The following KCNG3 variants were observed in gnomAD, a reference collection of about 807,000 sequenced individuals.
KCNG3 encodes the protein voltage-gated potassium channel regulatory subunit KCNG3.
In KCNG3, 15 loss-of-function variants were observed where a neutral mutation model predicts 29.0. The observed-to-expected ratio is 0.52, with a 90% CI of 0.35 to 0.80. The LOEUF is 0.80. Among genes scored for constraint, KCNG3 ranks in the 30% least tolerant of loss-of-function variants. The probability of loss-of-function intolerance (pLI) is 0.01; values close to 1 mark genes in which losing one functional copy is unlikely to be tolerated. For synonymous variants in KCNG3, 322 were observed against 248.9 expected, an observed-to-expected ratio of 1.29 and a Z score of -2.76; for missense variants, 512 against 605.7, an observed-to-expected ratio of 0.85 and a Z score of 1.62.
At chr2:42,488,410 T>G (rs1673782851) in intron 1 of KCNG3, among the ~76,000 whole-genome samples, 1 of 152,214 alleles carries the variant, frequency 6.6e-6, no homozygotes, top group African/African-American at 2.4e-5. Flanking sequence ...AGGGTCTCCC[T>G]GCTGCCTAGG....
chr2:42,477,874 G>A (rs980677732), intron 1 of KCNG3, among the ~76,000 whole-genome samples: 9 of 113,262 alleles, frequency 7.9e-5, no homozygotes, highest in African/African-American at 2.4e-4. Flanking sequence ...GCAAGACCCC[G>A]TCTCAAAAAA....
At chr2:42,410,589 AGAGACTT>A in the KCNG3 span, among the ~76,000 whole-genome samples, 2 of 152,140 alleles carry the variant, frequency 1.3e-5, no homozygotes, top group Admixed American at 6.5e-5. Context: ...TATATTTTCT[AGAGACTT>A]TATATTTTCT....
downstream of KCNG3, among the ~76,000 whole-genome samples, chr2:42,438,731 G>A (rs1201501844): frequency 5.3e-5 from 8 of 152,178 alleles, no homozygotes; most frequent in Admixed American, 5.2e-4. Flanking sequence ...CTGAAAGTTT[G>A]GGCATAAGTT....
chr2:42,481,261 A>G (rs1168095225), intron 1 of KCNG3, among the ~76,000 whole-genome samples: 1 of 152,194 alleles, frequency 6.6e-6, no homozygotes, highest in Non-Finnish European at 1.5e-5. Context: ...TTGGCTGATT[A>G]TAAGAATATC....
At chr2:42,398,894 C>G in the KCNG3 span, among the ~76,000 whole-genome samples, 1 of 152,312 alleles carries the variant, frequency 6.6e-6, no homozygotes, top group South Asian at 2.1e-4. Context: ...AAGGGTGCCT[C>G]AACCACTGGG....
chr2:42,394,119 T>A, the KCNG3 span, among the ~76,000 whole-genome samples: 1 of 152,138 alleles, frequency 6.6e-6, no homozygotes, highest in African/African-American at 2.4e-5. Flanking sequence ...GATTCTGACA[T>A]AACACTTCTG....
At position 42,493,231 on chromosome 2, in the gene KCNG3, C is replaced by T. The variant is rs1232984451; in HGVS notation, c.271G>A (p.Glu91Lys). The T allele has an allele frequency of 1.9e-6, 3 of 1,611,686 alleles. No homozygotes were observed. The highest frequency in any genetic ancestry group is 3.3e-5 in the Admixed American group (2 of 59,996). Residue 91 changes from glutamate to lysine, a missense_variant, in exon 1 of 2, where the codon GAG becomes AAG. Coordinates refer to ENST00000306078, the MANE Select transcript of KCNG3 (RefSeq NM_133329.6). The part of the protein sequence containing the change: ...GKLRFAPRMC[E>K]LSFYNEMIYW... ...ATCATCTCGTTGTAGAAGGAGAGCTCGCACATCCGCGGCGCGAAGCGCAGC... is the reference window on the plus strand; with the variant it reads ...ATCATCTCGTTGTAGAAGGAGAGCTTGCACATCCGCGGCGCGAAGCGCAGC...
the KCNG3 span, among the ~76,000 whole-genome samples, chr2:42,411,166 A>G: frequency 1.3e-5 from 2 of 152,012 alleles, no homozygotes; most frequent in South Asian, 4.2e-4. Context: ...ATCAATGCTC[A>G]ACTGTTTTCA....
intron 1 of KCNG3, among the ~76,000 whole-genome samples, chr2:42,445,695 G>A (rs558662492): frequency 1.1e-4 from 17 of 151,808 alleles, no homozygotes; most frequent in East Asian, 5.8e-4. Context: ...GAAAATAATC[G>A]CATTTATACA....
chr2:42,488,212 C>T (rs1409177612), intron 1 of KCNG3, among the ~76,000 whole-genome samples: 1 of 152,138 alleles, frequency 6.6e-6, no homozygotes, highest in African/African-American at 2.4e-5. Context: ...GGATTATCCT[C>T]ATACATAAAA....
chr2:42,444,357 A>T lies in KCNG3; in HGVS notation c.888T>A (p.Ile296=). ...GACGGGCAAGCTTAATCACCCAAAA[A>T]ATCCTCATCATTCTAAGTACCCTCA... ...VTLRVLRMMR[I]FWVIKLARHF... The change falls in exon 2 of 2, where the codon ATT becomes ATA. Residue 296 remains isoleucine (I), a synonymous_variant. Coordinates refer to ENST00000306078, the MANE Select transcript of KCNG3 (RefSeq NM_133329.6). This position sits in a 1 kb window ranked among gnomAD's most constrained non-coding sequence, Gnocchi z 5.8. The T allele has an allele frequency of 6.2e-7, 1 of 1,614,164 alleles. No individual in the cohort carries two copies. Among genetic ancestry groups the T allele is most frequent in the Non-Finnish European group, 8.5e-7 (1 of 1,180,026 alleles).
At chr2:42,396,412 A>G in the KCNG3 span, among the ~76,000 whole-genome samples, 1 of 152,182 alleles carries the variant, frequency 6.6e-6, no homozygotes, top group Non-Finnish European at 1.5e-5. Flanking sequence ...TCATTGTCCT[A>G]TTTCTTCTGT....
chr2:42,455,814 G>A (rs1482323124), intron 1 of KCNG3, among the ~76,000 whole-genome samples: 1 of 151,370 alleles, frequency 6.6e-6, no homozygotes, highest in Non-Finnish European at 1.5e-5. Flanking sequence ...ATATATGTAT[G>A]TACAGCTGAA....
intron 1 of KCNG3, among the ~76,000 whole-genome samples, chr2:42,462,664 A>G: frequency 6.6e-6 from 1 of 152,168 alleles, no homozygotes; most frequent in East Asian, 1.9e-4. Flanking sequence ...CCTGGGCGAC[A>G]GAGTGAGACT....
At chr2:42,484,560 A>G (rs1673674833) in intron 1 of KCNG3, among the ~76,000 whole-genome samples, 1 of 152,182 alleles carries the variant, frequency 6.6e-6, no homozygotes, top group South Asian at 2.1e-4. Flanking sequence ...GTGTGTGTGT[A>G]CACGCACATG....
intron 1 of KCNG3, among the ~76,000 whole-genome samples, chr2:42,458,132 C>A (rs1050601436): frequency 1.3e-5 from 2 of 152,048 alleles, no homozygotes; most frequent in Non-Finnish European, 2.9e-5. Flanking sequence ...CACATTTGGA[C>A]GGCCATTTCA....
At chr2:42,477,700 G>A (rs918566168) in intron 1 of KCNG3, among the ~76,000 whole-genome samples, 1 of 151,916 alleles carries the variant, frequency 6.6e-6, no homozygotes, top group Admixed American at 6.6e-5. Flanking sequence ...CCAGCATAGC[G>A]AAAATCCGTC....
At chr2:42,411,795 T>C in the KCNG3 span, among the ~76,000 whole-genome samples, 21 of 152,340 alleles carry the variant, frequency 1.4e-4, no homozygotes, top group Middle Eastern at 3.4e-3. Flanking sequence ...GTCTCATACA[T>C]TTTTCATTAA....
chr2:42,399,565 A>C, the KCNG3 span, among the ~76,000 whole-genome samples: 1 of 152,206 alleles, frequency 6.6e-6, no homozygotes, highest in Non-Finnish European at 1.5e-5. Flanking sequence ...TTTGACCAGG[A>C]AACACATGCA....
Sources: allele counts gnomAD v4.1 joint callset (sites outside exome capture counted in the v4.1 genomes callset), GRCh38; gene constraint gnomAD v4.1.1; non-coding constraint Gnocchi (gnomAD v3.1); transcripts MANE v1.5; gene names NCBI Gene and HGNC (gene_info 2026-07-23, HGNC 2026-07-21).